NDUFA5: variants seen among roughly 807,000 people sequenced by gnomAD.
NDUFA5 encodes the protein NADH dehydrogenase [ubiquinone] 1 alpha subcomplex subunit 5.
In NDUFA5, 11 loss-of-function variants were observed where a neutral mutation model predicts 19.8. That is an observed-to-expected ratio of 0.56 (90% CI 0.35 to 0.92). The LOEUF (loss-of-function observed/expected upper bound fraction) is 0.92. Among genes scored for constraint, NDUFA5 ranks in the 40% least tolerant of loss-of-function variants. The pLI is 0.01. For missense variants in NDUFA5, 109 were observed against 134.2 expected (o/e 0.81, Z 0.93); for synonymous variants, 47 against 46.8 (o/e 1.00, Z -0.01).
the NDUFA5 span, among the ~76,000 whole-genome samples, chr7:123,597,564 G>T: frequency 2.8e-4 from 42 of 152,280 alleles, no homozygotes; most frequent in African/African-American, 7.9e-4. Context: ...AGACGTGGTG[G>T]CTCACGCCTG....
At chr7:123,550,244 C>T (rs1466515079) in intron 3 of NDUFA5, 54 of 420,170 alleles carry the variant, frequency 1.3e-4, no homozygotes, top group Middle Eastern at 6.6e-4. Flanking sequence ...AATGTTACTT[C>T]AAGGAAGGAT....
chr7:123,540,085 C>T lies in NDUFA5; in HGVS notation c.*2034G>A, dbSNP rs1797875494. On this transcript the variant is annotated 3_prime_UTR_variant, in exon 5 of 5. Coordinates refer to ENST00000355749, the MANE Select transcript of NDUFA5 (RefSeq NM_005000.5). ...TCAGTGTCCCCAAGGCCCCAAGTTGCATAATTGCAGGGGAAAACTACTCAC... is the reference window on the plus strand; with the variant it reads ...TCAGTGTCCCCAAGGCCCCAAGTTGTATAATTGCAGGGGAAAACTACTCAC... 1 of 152,098 alleles carries T rather than the reference C, an allele frequency of 6.6e-6. No homozygotes were observed. The highest frequency in any genetic ancestry group is 1.9e-4 in the East Asian group (1 of 5,196). The allele number at this position is 152,098 out of a possible 1,614,324, so 9.4% of individuals were successfully genotyped here. A position where few individuals can be genotyped will look rare whatever the true frequency, so the allele number is the denominator to read the frequency against.
the NDUFA5 span, among the ~76,000 whole-genome samples, chr7:123,599,310 CT>C: frequency 2.0e-5 from 3 of 152,182 alleles, no homozygotes; most frequent in African/African-American, 7.2e-5. Context: ...TAAAGTAGGA[CT>C]CCCCAAGGTG....
At chr7:123,557,332 G>A in intron 2 of NDUFA5, 72 bp downstream of exon 2, 1 of 1,599,462 alleles carries the variant, frequency 6.3e-7, no homozygotes, top group Non-Finnish European at 8.5e-7. Context: ...CGTTAACCCT[G>A]CAATAAGCAA....
chr7:123,576,141 T>C, the NDUFA5 span, among the ~76,000 whole-genome samples: 2 of 151,490 alleles, frequency 1.3e-5, no homozygotes, highest in Non-Finnish European at 2.9e-5. Context: ...TTATTTTATT[T>C]TATTTTCTTA....
At chr7:123,593,300 T>C in the NDUFA5 span, among the ~76,000 whole-genome samples, 1 of 152,192 alleles carries the variant, frequency 6.6e-6, no homozygotes, top group Non-Finnish European at 1.5e-5. Flanking sequence ...ATGTGTGAGT[T>C]TGATCCTGCC....
At chr7:123,583,778 A>T in the NDUFA5 span, among the ~76,000 whole-genome samples, 1 of 152,032 alleles carries the variant, frequency 6.6e-6, no homozygotes, top group East Asian at 1.9e-4. Context: ...ATATACTGAG[A>T]AGCAAAGTAG....
intron 3 of NDUFA5, among the ~76,000 whole-genome samples, chr7:123,549,634 T>G (rs1798260306): frequency 6.6e-6 from 1 of 152,108 alleles, no homozygotes; most frequent in African/African-American, 2.4e-5. Context: ...AAAAATTAGC[T>G]GGGCATGATG....
the NDUFA5 span, among the ~76,000 whole-genome samples, chr7:123,597,124 C>T: frequency 6.6e-6 from 1 of 152,120 alleles, no homozygotes; most frequent in Non-Finnish European, 1.5e-5. Context: ...TAGCAATAAA[C>T]AATTCATAAG....
chr7:123,547,105 G>C (rs1004368429), intron 3 of NDUFA5, among the ~76,000 whole-genome samples: 6 of 152,122 alleles, frequency 3.9e-5, no homozygotes, highest in Non-Finnish European at 8.8e-5. Context: ...GCTGAAAGAG[G>C]CAAGAACAGA....
At chr7:123,589,724 T>C in the NDUFA5 span, among the ~76,000 whole-genome samples, 19 of 152,298 alleles carry the variant, frequency 1.2e-4, 1 homozygote, top group East Asian at 3.7e-3. Flanking sequence ...CTAATATTGA[T>C]GGACATTTGG....
upstream of NDUFA5, among the ~76,000 whole-genome samples, chr7:123,559,089 A>AG (rs1798651330): frequency 6.6e-6 from 1 of 152,120 alleles, no homozygotes; most frequent in Non-Finnish European, 1.5e-5. Context: ...CTAAGAAAAA[A>AG]AAGAGAGAAG....
chr7:123,572,382 G>T, the NDUFA5 span, among the ~76,000 whole-genome samples: 2 of 151,192 alleles, frequency 1.3e-5, no homozygotes, highest in Non-Finnish European at 3.0e-5. Context: ...CTCATGATCC[G>T]CCCGCCTCAG....
At chr7:123,592,186 C>A in the NDUFA5 span, among the ~76,000 whole-genome samples, 1 of 152,052 alleles carries the variant, frequency 6.6e-6, no homozygotes, top group Non-Finnish European at 1.5e-5. Context: ...ATTCTTATCT[C>A]TTTTCTTCTT....
At chr7:123,551,211 CTTTTT>C (rs113161747) in intron 2 of NDUFA5, among the ~76,000 whole-genome samples, 3 of 128,170 alleles carry the variant, frequency 2.3e-5, no homozygotes, top group African/African-American at 8.2e-5. Flanking sequence ...TTCTTTCTTT[CTTTTT>C]TTTTTTTTTG....
the NDUFA5 span, among the ~76,000 whole-genome samples, chr7:123,590,333 C>T: frequency 6.6e-6 from 1 of 152,048 alleles, no homozygotes; most frequent in African/African-American, 2.4e-5. Context: ...TAATTAGATC[C>T]CATTTGTCTA....
the NDUFA5 span, among the ~76,000 whole-genome samples, chr7:123,578,871 A>G: frequency 2.0e-5 from 3 of 152,136 alleles, no homozygotes; most frequent in African/African-American, 4.8e-5. Flanking sequence ...CTTCATTAAC[A>G]TAAACCTATG....
the NDUFA5 span, among the ~76,000 whole-genome samples, chr7:123,573,930 C>T: frequency 6.6e-6 from 1 of 151,884 alleles, no homozygotes; most frequent in South Asian, 2.1e-4. Context: ...AGGCAGGGGA[C>T]AAAAATTACA....
At chr7:123,553,154 T>C (rs1798417705) in intron 2 of NDUFA5, among the ~76,000 whole-genome samples, 1 of 152,234 alleles carries the variant, frequency 6.6e-6, no homozygotes. Context: ...TCCAATATGT[T>C]TAAGGTACTA....
Sources: allele counts gnomAD v4.1 joint callset (sites outside exome capture counted in the v4.1 genomes callset), GRCh38; gene constraint gnomAD v4.1.1; transcripts MANE v1.5; gene names NCBI Gene and HGNC (gene_info 2026-07-23, HGNC 2026-07-21).